The following GLIS3 variants were observed in gnomAD, a reference collection of about 807,000 sequenced individuals.
The protein encoded by GLIS3 is GLIS family zinc finger 3.
In GLIS3, 53 loss-of-function variants were observed where a neutral mutation model predicts 78.6. The ratio of observed to expected loss-of-function variants is 0.67; its 90% CI spans 0.54 to 0.85. GLIS3 has a LOEUF of 0.85. GLIS3 is among the 40% of genes least tolerant of loss of function. GLIS3 has a pLI of 0.00. For synonymous variants in GLIS3, 684 were observed against 509.9 expected (o/e 1.34, Z -4.60); for missense variants, 1,703 against 1,231.1 (o/e 1.38, Z -5.74).
chr9:4,088,372 G>T (rs1829221485), intron 4 of GLIS3, among the ~76,000 whole-genome samples: 1 of 152,212 alleles, frequency 6.6e-6, no homozygotes, highest in African/African-American at 2.4e-5. Flanking sequence ...AATAATTAAA[G>T]AAGAGAGAAA....
chr9:4,406,563 G>C, the GLIS3 span, among the ~76,000 whole-genome samples: 6 of 151,874 alleles, frequency 4.0e-5, no homozygotes, highest in Non-Finnish European at 8.8e-5. Context: ...ACACTAAAGA[G>C]GCCATCAAAA....
intron 2 of GLIS3, among the ~76,000 whole-genome samples, chr9:4,233,003 T>C (rs1235368482): frequency 6.6e-6 from 1 of 152,188 alleles, no homozygotes; most frequent in African/African-American, 2.4e-5. Context: ...CTACTCCACT[T>C]CCAAGACCAT....
chr9:3,966,490 C>T (rs1034900723), intron 4 of GLIS3, among the ~76,000 whole-genome samples: 2 of 151,146 alleles, frequency 1.3e-5, no homozygotes, highest in African/African-American at 4.9e-5. Flanking sequence ...GTCACATGAA[C>T]TGCTTTAAAA....
At chr9:3,828,559 CA>C (rs1817858048) in intron 10 of GLIS3, 151 bp from the exon 11 acceptor site, 5 of 972,658 alleles carry the variant, frequency 5.1e-6, no homozygotes, top group Non-Finnish European at 7.8e-6. Context: ...TCTCTGTTTC[CA>C]GCGACCTTAG....
rs1482426763 is a variant in GLIS3 at position 4,108,686 on chromosome 9, C to T, written c.1710+9082G>A. On this transcript the variant is annotated intron_variant, in intron 4 of 10. Coordinates refer to ENST00000381971, the MANE Select transcript of GLIS3 (RefSeq NM_001042413.2). ...ACAAGCAACAGGCCCAATACCCAGG[C>T]CCCTATTTAAAAATGAAACCACTTT... is the stretch of plus-strand genomic sequence containing the variant. Among the ~76,000 whole-genome samples the T allele has an allele frequency of 2.0e-5, 3 of 152,098 alleles. No homozygotes were observed. The East Asian group carries it at 5.8e-4, about 29-fold the overall frequency.
In GLIS3 at chr9:3,937,410, G is replaced by A. The variant is rs113290100; in HGVS notation, c.1711-221C>T. Among the ~76,000 whole-genome samples the A allele has an allele frequency of 5.9e-5, 9 of 152,206 alleles. 1 individual carries two copies. The South Asian group carries it at 8.3e-4, about 14-fold the overall frequency. ...ATGCCACTTTCTGTATCAGATTTGG[G>A]TCCCAAACTGATTTCTGTGATTTAC... On this transcript the variant is annotated intron_variant, in intron 4 of 10. Transcript: ENST00000381971.
At chr9:4,271,824 A>G (rs1027726998) in intron 2 of GLIS3, among the ~76,000 whole-genome samples, 6 of 152,188 alleles carry the variant, frequency 3.9e-5, no homozygotes, top group Admixed American at 3.9e-4. Context: ...CCAACAGTAC[A>G]TAGTAAGATG....
At position 4,114,754 on chromosome 9, in the gene GLIS3, C is replaced by A. The variant is rs1041366387; in HGVS notation, c.1710+3014G>T. On this transcript the variant is annotated intron_variant, in intron 4 of 10. Coordinates refer to ENST00000381971, the MANE Select transcript of GLIS3 (RefSeq NM_001042413.2). ...TTGCCACTGGGTGGGAATGTCTCTG[C>A]AATCGAGGCCAGGCCTGGAAAGAGA... is the stretch of plus-strand genomic sequence containing the variant. 3.9e-5 allele frequency among the ~76,000 whole-genome samples: 6 copies of A among 151,990 alleles called. 1 individual carries two copies. The highest frequency in any genetic ancestry group is 6.6e-5 in the Admixed American group (1 of 15,256).
upstream of GLIS3, chr9:4,348,431 A>G (rs958544942): frequency 3.3e-5 from 5 of 152,252 alleles, no homozygotes; most frequent in Non-Finnish European, 7.3e-5. Context: ...AGGCAAAAGC[A>G]AAAGAATGCT....
intron 4 of GLIS3, among the ~76,000 whole-genome samples, chr9:4,004,143 A>T (rs1467850764): frequency 6.6e-6 from 1 of 152,204 alleles, no homozygotes; most frequent in Admixed American, 6.5e-5. Context: ...AATAAATATG[A>T]TATGTTAAAG....
chr9:4,489,227 CCTT>C, the GLIS3 span, among the ~76,000 whole-genome samples: 4 of 152,196 alleles, frequency 2.6e-5, no homozygotes, highest in Non-Finnish European at 5.9e-5. Flanking sequence ...ATCCCTCTAA[CCTT>C]CTTTCTCTCA....
At chr9:4,088,458 A>T (rs1829228380) in intron 4 of GLIS3, among the ~76,000 whole-genome samples, 1 of 152,204 alleles carries the variant, frequency 6.6e-6, no homozygotes, top group Non-Finnish European at 1.5e-5. Flanking sequence ...CAGAAGTACA[A>T]TCCTCCCTTA....
intron 4 of GLIS3, among the ~76,000 whole-genome samples, chr9:4,099,101 AG>A (rs1225477072): frequency 1.3e-5 from 2 of 152,224 alleles, no homozygotes; most frequent in African/African-American, 4.8e-5. Flanking sequence ...AAGGAATAAG[AG>A]GCATGGGCAC....
chr9:4,461,618 G>T, the GLIS3 span, among the ~76,000 whole-genome samples: 1 of 152,092 alleles, frequency 6.6e-6, no homozygotes, highest in Admixed American at 6.6e-5. Context: ...TTGCCTCCTT[G>T]ACTTCAGGCT....
the GLIS3 span, among the ~76,000 whole-genome samples, chr9:4,379,421 C>G: frequency 1.2e-4 from 18 of 152,242 alleles, no homozygotes; most frequent in African/African-American, 4.1e-4. Context: ...TATTGCAAAG[C>G]TGACTCTAAA....
intron 4 of GLIS3, among the ~76,000 whole-genome samples, chr9:4,058,342 A>C (rs1826318850): frequency 6.6e-6 from 1 of 152,042 alleles, no homozygotes; most frequent in African/African-American, 2.4e-5. Context: ...GAGTAAGCAG[A>C]TACTGCTCTG....
At position 3,827,212 on chromosome 9, in the gene GLIS3, G is replaced by C. The variant is rs554651635; in HGVS notation, c.*1060C>G. 1.3e-5 allele frequency: 2 copies of C among 152,288 alleles called. No homozygotes were observed. Among genetic ancestry groups the C allele is most frequent in the African/African-American group, 4.8e-5 (2 of 41,566 alleles). The allele number at this position is 152,288 out of a possible 1,614,324, so 9.4% of individuals were successfully genotyped here. A position where few individuals can be genotyped will look rare whatever the true frequency, so the allele number is the denominator to read the frequency against. ...AGACAGACAGATGAGTGGATATCCT[G>C]AAAAACGTTAGTAAAATCTGAGCAC... On this transcript the variant is annotated 3_prime_UTR_variant, in exon 11 of 11. Transcript: ENST00000381971.
intron 4 of GLIS3, among the ~76,000 whole-genome samples, chr9:3,996,704 A>G (rs1322992280): frequency 1.3e-5 from 2 of 152,220 alleles, no homozygotes; most frequent in Admixed American, 6.5e-5. Context: ...AACAAAACTG[A>G]AAACAAAGAC....
At chr9:4,197,375 G>T (rs1213482818) in intron 2 of GLIS3, among the ~76,000 whole-genome samples, 1 of 152,152 alleles carries the variant, frequency 6.6e-6, no homozygotes, top group African/African-American at 2.4e-5. Flanking sequence ...ATGGTACAGG[G>T]AGGCATTCTC....
Sources: gnomAD v4.1 joint callset for allele counts (sites outside exome capture counted in the v4.1 genomes callset) on GRCh38, gnomAD v4.1.1 for gene constraint, MANE v1.5 for transcripts, NCBI Gene and HGNC (gene_info 2026-07-23, HGNC 2026-07-21) for gene names.